The following ELOVL6 variants were observed in gnomAD, a reference collection of about 807,000 sequenced individuals.
ELOVL6 encodes the protein ELOVL fatty acid elongase 6, also known as very long chain fatty acid elongase 6.
In ELOVL6, 8 loss-of-function variants were observed where a neutral mutation model predicts 31.7. The observed-to-expected ratio is 0.25, with a 90% CI of 0.15 to 0.45. The LOEUF (loss-of-function observed/expected upper bound fraction) is 0.45. Among genes scored for constraint, ELOVL6 ranks in the 20% least tolerant of loss-of-function variants. The pLI is 1.00. For missense variants in ELOVL6, 126 were observed against 326.4 expected, an observed-to-expected ratio of 0.39 and a Z score of 4.73; for synonymous variants, 101 against 117.7, an observed-to-expected ratio of 0.86 and a Z score of 0.92.
intron 1 of ELOVL6, among the ~76,000 whole-genome samples, chr4:110,139,011 GAA>G (rs1757880802): frequency 6.6e-6 from 1 of 151,966 alleles, no homozygotes; most frequent in Admixed American, 6.6e-5. Context: ...CTCTGGTATA[GAA>G]AAAAGTTTTA....
chr4:110,069,616 G>A (rs1201289726), intron 2 of ELOVL6, among the ~76,000 whole-genome samples: 15 of 152,194 alleles, frequency 9.9e-5, no homozygotes, highest in Non-Finnish European at 1.5e-5. Flanking sequence ...CAAAGAAACA[G>A]GCACAGAGAG....
chr4:110,083,934 A>ATATATAT (rs1755971604), intron 2 of ELOVL6, among the ~76,000 whole-genome samples: 1 of 81,778 alleles, frequency 1.2e-5, no homozygotes, highest in East Asian at 4.6e-4. Context: ...ATATATATAG[A>ATATATAT]GATATATATA....
chr4:110,078,708 C>A (rs1755731748), intron 2 of ELOVL6, among the ~76,000 whole-genome samples: 1 of 152,204 alleles, frequency 6.6e-6, no homozygotes, highest in South Asian at 2.1e-4. Flanking sequence ...CAGCTAACAT[C>A]ATAATGACAA....
chr4:110,168,512 G>A (rs1317810732), intron 1 of ELOVL6, among the ~76,000 whole-genome samples: 1 of 150,328 alleles, frequency 6.7e-6, no homozygotes, highest in Middle Eastern at 3.2e-3. Context: ...GAGCAAGACT[G>A]TCTAAAAAAG....
chr4:110,057,798 C>T (rs1755031350), intron 3 of ELOVL6, among the ~76,000 whole-genome samples: 1 of 150,078 alleles, frequency 6.7e-6, no homozygotes, highest in Non-Finnish European at 1.5e-5. Flanking sequence ...TTGCAGTGAG[C>T]CGAGATCGCG....
Position 110,183,476 on chromosome 4 carries a change from C to T in ELOVL6, c.89+14771G>A, listed in dbSNP as rs1348249448. ...CCACCTTGTGCACATGTTCTCAGGA[C>T]CTCTTGAGACTATACCTCAGGCCAT... On this transcript the variant is annotated intron_variant, in intron 1 of 3. Coordinates refer to ENST00000302274, the MANE Select transcript of ELOVL6 (RefSeq NM_024090.3). 3.3e-5 allele frequency among the ~76,000 whole-genome samples: 5 copies of T among 152,172 alleles called. No homozygotes were observed. The East Asian group carries it at 9.6e-4, about 29-fold the overall frequency.
intron 1 of ELOVL6, among the ~76,000 whole-genome samples, chr4:110,132,493 T>C (rs902893787): frequency 6.6e-6 from 1 of 151,856 alleles, no homozygotes; most frequent in African/African-American, 2.4e-5. Flanking sequence ...GGATGATTTG[T>C]GGGTGGTCAG....
intron 2 of ELOVL6, among the ~76,000 whole-genome samples, chr4:110,075,735 A>G (rs1005824276): frequency 1.3e-5 from 2 of 152,244 alleles, no homozygotes; most frequent in Non-Finnish European, 2.9e-5. Context: ...AAAATGGTTA[A>G]GAGGATAAAT....
chr4:110,157,802 A>G (rs904681871), intron 1 of ELOVL6, among the ~76,000 whole-genome samples: 5 of 152,234 alleles, frequency 3.3e-5, no homozygotes, highest in African/African-American at 4.8e-5. Flanking sequence ...ATGTGCCCTC[A>G]GGGAACTACA....
intron 2 of ELOVL6, among the ~76,000 whole-genome samples, chr4:110,097,024 A>G (rs1166409770): frequency 6.6e-6 from 1 of 152,028 alleles, no homozygotes; most frequent in Non-Finnish European, 1.5e-5. Context: ...AATGCTTAAC[A>G]TGGCTGGGCG....
At chr4:110,074,079 G>A (rs1027275306) in intron 2 of ELOVL6, among the ~76,000 whole-genome samples, 2 of 152,160 alleles carry the variant, frequency 1.3e-5, no homozygotes, top group African/African-American at 4.8e-5. Flanking sequence ...CAACAGAATT[G>A]CAGACAGCCC....
intron 1 of ELOVL6, among the ~76,000 whole-genome samples, chr4:110,185,336 T>C (rs1257722994): frequency 1.4e-5 from 2 of 147,994 alleles, no homozygotes; most frequent in African/African-American, 4.9e-5. Context: ...GTATGTACAG[T>C]AGGAGCTTTG....
At chr4:110,132,415 GA>G (rs1757693757) in intron 1 of ELOVL6, among the ~76,000 whole-genome samples, 1 of 152,160 alleles carries the variant, frequency 6.6e-6, no homozygotes, top group Non-Finnish European at 1.5e-5. Context: ...AAATTCAACA[GA>G]AGAGATAGAA....
rs879718703 is a variant in ELOVL6 at position 110,084,336 on chromosome 4, A to G, written c.221+21161T>C. Among the ~76,000 whole-genome samples, 865 of 125,086 alleles carry G rather than the reference A, an allele frequency of 6.9e-3. 81 individuals are homozygous for G. Among genetic ancestry groups the G allele is most frequent in the Middle Eastern group, 0.014 (2 of 140 alleles). 82.1% of individuals were successfully genotyped at this position (125,086 alleles called of 152,430 possible). Reference sequence around the variant, plus strand: ...AACATATATAAATTTGATATATATCACATATATGATATATGATATATACCG... The same window carrying G: ...AACATATATAAATTTGATATATATCGCATATATGATATATGATATATACCG... On this transcript the variant is annotated intron_variant, in intron 2 of 3. Coordinates refer to ENST00000302274, the MANE Select transcript of ELOVL6 (RefSeq NM_024090.3).
In ELOVL6 at chr4:110,097,305, C is replaced by CAAAAAAAAAAAA. The variant is rs33970271; in HGVS notation, c.221+8180_221+8191dup. 8.9e-3 allele frequency among the ~76,000 whole-genome samples: 785 copies of CAAAAAAAAAAAA among 88,538 alleles called. 25 individuals are homozygous for CAAAAAAAAAAAA. The highest frequency in any genetic ancestry group is 0.035 in the East Asian group (88 of 2,512). 58.1% of individuals were successfully genotyped at this position (88,538 alleles called of 152,430 possible). On this transcript the variant is annotated intron_variant, in intron 2 of 3. Transcript: ENST00000302274. The stretch of plus-strand genomic sequence containing the variant: ...GGGTGACAGAGCGAGACTCCATCTC[C>CAAAAAAAAAAAA]AAAAAAAAAAAAAAAAAGCTTAAGA...
intron 2 of ELOVL6, among the ~76,000 whole-genome samples, chr4:110,084,185 A>ACATATAACTTATATGATATACATAT: frequency 1.5e-5 from 1 of 67,598 alleles, no homozygotes; most frequent in Non-Finnish European, 2.4e-5. Flanking sequence ...GATATATATA[A>ACATATAACTTATATGATATACATAT]CATATAACTT....
At chr4:110,078,688 G>A (rs1393038371) in intron 2 of ELOVL6, among the ~76,000 whole-genome samples, 1 of 152,164 alleles carries the variant, frequency 6.6e-6, no homozygotes, top group African/African-American at 2.4e-5. Context: ...CAACTAATGA[G>A]CAAAATAACC....
At chr4:110,093,760 G>A (rs777056636) in intron 2 of ELOVL6, among the ~76,000 whole-genome samples, 1 of 152,082 alleles carries the variant, frequency 6.6e-6, no homozygotes. Flanking sequence ...GAGTGCAGTG[G>A]GACGAGACAG....
chr4:110,133,958 C>T (rs953925316), intron 1 of ELOVL6, among the ~76,000 whole-genome samples: 22 of 152,306 alleles, frequency 1.4e-4, no homozygotes, highest in African/African-American at 4.8e-4. Context: ...ATCCATAACG[C>T]TTTAACGCAG....
Sources: gnomAD v4.1 joint callset for allele counts (sites outside exome capture counted in the v4.1 genomes callset) on GRCh38, gnomAD v4.1.1 for gene constraint, MANE v1.5 for transcripts, NCBI Gene and HGNC (gene_info 2026-07-23, HGNC 2026-07-21) for gene names.